MALRD1: variants seen among roughly 807,000 people sequenced by gnomAD.
The protein encoded by MALRD1 is MAM and LDL-receptor class A domain-containing protein 1.
In MALRD1, 247 loss-of-function variants were observed where a neutral mutation model predicts 242.1. The ratio of observed to expected loss-of-function variants is 1.02; its 90% confidence interval spans 0.92 to 1.13. The LOEUF (loss-of-function observed/expected upper bound fraction) is 1.13. MALRD1 is among the 50% of genes most tolerant of loss of function. The pLI is 0.00. For synonymous variants in MALRD1, 995 were observed against 866.6 expected (o/e 1.15, Z -2.60); for missense variants, 2,989 against 2,533.1 (o/e 1.18, Z -3.86).
chr10:19,513,466 G>C (rs902532308), intron 31 of MALRD1, among the ~76,000 whole-genome samples: 3 of 149,800 alleles, frequency 2.0e-5, no homozygotes, highest in African/African-American at 4.9e-5. Context: ...CTGGCCGGGC[G>C]TGGTGGCTCA....
intron 10 of MALRD1, among the ~76,000 whole-genome samples, chr10:19,137,607 GAAAAAAA>G (rs34768480): frequency 4.7e-5 from 4 of 84,452 alleles, no homozygotes; most frequent in Middle Eastern, 6.9e-3. Flanking sequence ...GACTCCGTCT[GAAAAAAA>G]AAAAAAAAAA....
intron 19 of MALRD1, among the ~76,000 whole-genome samples, chr10:19,275,229 A>G (rs1840451956): frequency 6.6e-6 from 1 of 152,186 alleles, no homozygotes; most frequent in Non-Finnish European, 1.5e-5. Flanking sequence ...TTCATAATTA[A>G]AGTCATTTTT....
chr10:19,196,901 T>A (rs925962298), intron 14 of MALRD1, among the ~76,000 whole-genome samples: 2 of 152,188 alleles, frequency 1.3e-5, no homozygotes, highest in African/African-American at 4.8e-5. Context: ...ATCTCCACAA[T>A]GGCTAATTTT....
chr10:19,325,084 C>G (rs1353175414), intron 22 of MALRD1, among the ~76,000 whole-genome samples: 3 of 117,256 alleles, frequency 2.6e-5, no homozygotes, highest in Non-Finnish European at 3.3e-5. Flanking sequence ...CTCAATTATT[C>G]TGTCCACATT....
chr10:19,729,505 TTGTG>T (rs376101597), intron 38 of MALRD1, among the ~76,000 whole-genome samples: 1 of 148,890 alleles, frequency 6.7e-6, no homozygotes. Context: ...CCATTCTCCA[TTGTG>T]TGTGTGTGTG....
chr10:19,534,592 C>G (rs1387935191), intron 32 of MALRD1, among the ~76,000 whole-genome samples: 2 of 151,966 alleles, frequency 1.3e-5, no homozygotes, highest in African/African-American at 4.8e-5. Flanking sequence ...ACTTCTTTTT[C>G]TAAGTAAAAA....
At chr10:19,250,000 G>A (rs145262210) in intron 18 of MALRD1, among the ~76,000 whole-genome samples, 168 of 151,956 alleles carry the variant, frequency 1.1e-3, no homozygotes, top group African/African-American at 3.8e-3. Flanking sequence ...ATGATTTTTT[G>A]TAGAAAGACT....
chr10:19,168,710 T>A (rs1292895096), intron 13 of MALRD1, among the ~76,000 whole-genome samples: 1 of 152,228 alleles, frequency 6.6e-6, no homozygotes, highest in Non-Finnish European at 1.5e-5. Context: ...TTCTGTGATT[T>A]GGCTGCAATG....
intron 34 of MALRD1, among the ~76,000 whole-genome samples, chr10:19,600,412 C>T (rs1160838610): frequency 1.3e-5 from 2 of 152,014 alleles, no homozygotes; most frequent in African/African-American, 4.8e-5. Context: ...TTATCCTTTC[C>T]CCATTAAATT....
intron 38 of MALRD1, among the ~76,000 whole-genome samples, chr10:19,696,957 T>G (rs189954620): frequency 1.1e-4 from 17 of 152,198 alleles, no homozygotes; most frequent in African/African-American, 3.9e-4. Flanking sequence ...TCTTTAATTA[T>G]TTTTTATGAG....
intron 21 of MALRD1, among the ~76,000 whole-genome samples, chr10:19,307,023 A>G (rs951708755): frequency 6.6e-6 from 1 of 151,554 alleles, no homozygotes; most frequent in Non-Finnish European, 1.5e-5. Context: ...GAACCATCAA[A>G]TCATGCTGAA....
intron 31 of MALRD1, among the ~76,000 whole-genome samples, chr10:19,519,748 A>G (rs1051625202): frequency 6.6e-5 from 10 of 152,178 alleles, no homozygotes; most frequent in African/African-American, 2.4e-4. Context: ...AGGGCAACAG[A>G]GCTAGGTGCC....
Position 19,128,337 on chromosome 10 carries a change from T to C in MALRD1, c.1060T>C (p.Tyr354His). The C allele has an allele frequency of 8.1e-7, 1 of 1,233,356 alleles. No individual in the cohort carries two copies. The highest frequency in any genetic ancestry group is 1.0e-6 in the Non-Finnish European group (1 of 987,738). The allele number at this position is 1,233,356 out of a possible 1,614,324, so 76.4% of individuals were successfully genotyped here. ...CLGKSCHLQF[Y>H]YAMESSVLRV... ...GGGCAAGAGCTGTCATCTTCAATTCTATTATGCAATGGAAAGCAGTGTCCT... is the reference window on the plus strand; with the variant it reads ...GGGCAAGAGCTGTCATCTTCAATTCCATTATGCAATGGAAAGCAGTGTCCT... The change falls in exon 8 of 40, where the codon TAT becomes CAT. Residue 354 changes from tyrosine (Y) to histidine (H), a missense_variant. Transcript: ENST00000454679.
At chr10:19,119,288 A>G (rs1314987694) in intron 5 of MALRD1, among the ~76,000 whole-genome samples, 1 of 152,186 alleles carries the variant, frequency 6.6e-6, no homozygotes, top group Non-Finnish European at 1.5e-5. Flanking sequence ...GTAACCGCCC[A>G]AGGGGTTCAC....
chr10:19,355,706 T>C (rs1238053229), intron 26 of MALRD1, among the ~76,000 whole-genome samples: 1 of 151,162 alleles, frequency 6.6e-6, no homozygotes. Flanking sequence ...TAAAAGTATA[T>C]ACTCATTTCT....
At chr10:19,520,204 CA>C (rs1803316585) in intron 31 of MALRD1, among the ~76,000 whole-genome samples, 1 of 151,934 alleles carries the variant, frequency 6.6e-6, no homozygotes, top group African/African-American at 2.4e-5. Context: ...GTATCTAAAG[CA>C]AAAGCCTGTA....
intron 12 of MALRD1, among the ~76,000 whole-genome samples, chr10:19,161,608 T>G (rs934027569): frequency 6.9e-6 from 1 of 143,960 alleles, no homozygotes; most frequent in Non-Finnish European, 1.5e-5. Context: ...AAATAAAATT[T>G]GAATGTTTGT....
intron 29 of MALRD1, among the ~76,000 whole-genome samples, chr10:19,461,507 A>G (rs1835941138): frequency 6.6e-6 from 1 of 152,194 alleles, no homozygotes; most frequent in Admixed American, 6.5e-5. Flanking sequence ...AATCACATCA[A>G]TCAAGAATAT....
chr10:19,256,350 T>C (rs1287090617), intron 18 of MALRD1, among the ~76,000 whole-genome samples: 1 of 152,110 alleles, frequency 6.6e-6, no homozygotes, highest in African/African-American at 2.4e-5. Flanking sequence ...GTATGTTCTT[T>C]CAAATTCTGT....
Sources: gnomAD v4.1 joint callset for allele counts (sites outside exome capture counted in the v4.1 genomes callset) on GRCh38, gnomAD v4.1.1 for gene constraint, MANE v1.5 for transcripts, NCBI Gene and HGNC (gene_info 2026-07-23, HGNC 2026-07-21) for gene names.